Variants in MDGA2 observed in about 807,000 individuals in gnomAD.
MDGA2 encodes MAM domain containing glycosylphosphatidylinositol anchor 2.
A neutral mutation model predicts 117.8 loss-of-function variants in MDGA2; 40 were observed. That is an observed-to-expected ratio of 0.34 (90% CI 0.26 to 0.44). MDGA2 has a LOEUF of 0.44. Ranked by LOEUF, MDGA2 falls within the 20% of genes least tolerant of loss-of-function variation. MDGA2 has a pLI of 1.00. For synonymous variants in MDGA2, 452 were observed against 439.0 expected, an observed-to-expected ratio of 1.03 and a Z score of -0.37; for missense variants, 1,123 against 1,250.6, an observed-to-expected ratio of 0.90 and a Z score of 1.54.
chr14:47,034,240 T>C (rs1290872131), intron 8 of MDGA2, among the ~76,000 whole-genome samples: 10 of 152,210 alleles, frequency 6.6e-5, no homozygotes, highest in Admixed American at 2.0e-4. Context: ...GTACATTTTA[T>C]TGACCATTAA....
At chr14:47,112,575 TC>T (rs2139062340) in intron 5 of MDGA2, among the ~76,000 whole-genome samples, 1 of 152,264 alleles carries the variant, frequency 6.6e-6, no homozygotes, top group East Asian at 1.9e-4. Context: ...AGAACATCGT[TC>T]CTTTCTCTGG....
intron 1 of MDGA2, among the ~76,000 whole-genome samples, chr14:47,615,325 C>G (rs980421789): frequency 9.2e-5 from 14 of 151,988 alleles, no homozygotes; most frequent in African/African-American, 3.4e-4. Context: ...TACTAAAAAT[C>G]AATATAAAAT....
intron 3 of MDGA2, among the ~76,000 whole-genome samples, chr14:47,195,362 A>G (rs1885252312): frequency 6.6e-6 from 1 of 152,052 alleles, no homozygotes; most frequent in Non-Finnish European, 1.5e-5. Flanking sequence ...AGCACTTTTA[A>G]GCCCTTATTT....
intron 1 of MDGA2, among the ~76,000 whole-genome samples, chr14:47,543,081 C>T (rs28464681): frequency 0.1 from 15,687 of 151,986 alleles, 909 homozygotes; most frequent in Middle Eastern, 0.15. Flanking sequence ...CATGGTGGTG[C>T]ACATCTGTAG....
intron 9 of MDGA2, among the ~76,000 whole-genome samples, chr14:46,931,825 C>T (rs996693174): frequency 6.6e-6 from 1 of 151,996 alleles, no homozygotes; most frequent in Non-Finnish European, 1.5e-5. Context: ...ACCCAGCCTA[C>T]TTTTGTTACT....
At chr14:46,919,947 A>G (rs1196943921) in intron 10 of MDGA2, 65 bp downstream of exon 10, 1 of 1,421,262 alleles carries the variant, frequency 7.0e-7, no homozygotes, top group Admixed American at 2.7e-5. Flanking sequence ...CTCTTAGAAA[A>G]ATGATAACAA....
chr14:46,985,438 G>C (rs1190209301), intron 8 of MDGA2, among the ~76,000 whole-genome samples: 1 of 151,942 alleles, frequency 6.6e-6, no homozygotes. Flanking sequence ...AATCATACAT[G>C]TAAGTTTTTA....
At chr14:47,644,402 T>C (rs1045467649) in intron 1 of MDGA2, among the ~76,000 whole-genome samples, 2 of 152,162 alleles carry the variant, frequency 1.3e-5, no homozygotes, top group Non-Finnish European at 2.9e-5. Context: ...GATTACAATC[T>C]TGTCATTTTT....
chr14:47,305,088 G>T (rs963565043), intron 1 of MDGA2: 1 of 151,890 alleles, frequency 6.6e-6, no homozygotes, highest in African/African-American at 2.4e-5. Flanking sequence ...CACAGAGGAG[G>T]TATTTATTTA....
At position 47,371,828 on chromosome 14, in the gene MDGA2, TCCTA is replaced by T. The variant is rs1480488170; in HGVS notation, c.281-70282_281-70279del. On this transcript the variant is annotated intron_variant, in intron 1 of 16. Transcript: ENST00000399232. ...GTTATAACATCATACAAATCAGTAT[TCCTA>T]CCTTTTTGATAAAAATATCTATTAG... is the stretch of plus-strand genomic sequence containing the variant. Among the ~76,000 whole-genome samples the T allele has an allele frequency of 3.9e-5, 6 of 151,944 alleles. No individual in the cohort carries two copies. The South Asian group carries it at 1.2e-3, about 31-fold the overall frequency.
intron 9 of MDGA2, among the ~76,000 whole-genome samples, chr14:46,926,594 CTCTG>C (rs1394330935): frequency 1.3e-5 from 2 of 152,094 alleles, no homozygotes; most frequent in Non-Finnish European, 2.9e-5. Flanking sequence ...ATACGCAGCT[CTCTG>C]TCATTCCTCC....
intron 1 of MDGA2, among the ~76,000 whole-genome samples, chr14:47,578,561 G>A (rs1248452787): frequency 2.0e-5 from 3 of 152,066 alleles, no homozygotes; most frequent in Non-Finnish European, 4.4e-5. Context: ...TGACGATAGT[G>A]AGACATCACC....
chr14:46,958,094 A>T (rs1398088347), intron 8 of MDGA2, among the ~76,000 whole-genome samples: 1 of 152,212 alleles, frequency 6.6e-6, no homozygotes, highest in African/African-American at 2.4e-5. Context: ...GCTAATTTAC[A>T]AAACTGTATG....
intron 2 of MDGA2, among the ~76,000 whole-genome samples, chr14:47,273,512 A>G (rs1417946533): frequency 6.6e-6 from 1 of 152,170 alleles, no homozygotes; most frequent in African/African-American, 2.4e-5. Flanking sequence ...AGAAGAAAGT[A>G]AAAGGAAGCT....
intron 1 of MDGA2, among the ~76,000 whole-genome samples, chr14:47,377,467 G>A (rs1050613840): frequency 4.6e-5 from 7 of 152,252 alleles, no homozygotes; most frequent in African/African-American, 1.7e-4. Flanking sequence ...CCCAACCAAG[G>A]GAAGCAGTGA....
At chr14:46,902,247 A>G (rs1043871306) in intron 10 of MDGA2, among the ~76,000 whole-genome samples, 1 of 152,032 alleles carries the variant, frequency 6.6e-6, no homozygotes, top group Non-Finnish European at 1.5e-5. Context: ...TGTTATTACT[A>G]TTTTTGTTTA....
chr14:47,443,820 C>A (rs1236241494), intron 1 of MDGA2, among the ~76,000 whole-genome samples: 2 of 152,152 alleles, frequency 1.3e-5, no homozygotes. Flanking sequence ...GGAATTTCGG[C>A]ATCCATAAGA....
At chr14:46,943,075 AG>A in intron 9 of MDGA2, among the ~76,000 whole-genome samples, 1 of 152,194 alleles carries the variant, frequency 6.6e-6, no homozygotes, top group South Asian at 2.1e-4. Context: ...CTCTATTAAT[AG>A]ATGTTCACAT....
intron 6 of MDGA2, among the ~76,000 whole-genome samples, chr14:47,079,517 T>C (rs919297345): frequency 2.0e-5 from 3 of 152,076 alleles, no homozygotes; most frequent in African/African-American, 7.2e-5. Flanking sequence ...AAAATACAGA[T>C]AATTTCTGAT....
Sources: gnomAD v4.1 joint callset for allele counts (sites outside exome capture counted in the v4.1 genomes callset) on GRCh38, gnomAD v4.1.1 for gene constraint, MANE v1.5 for transcripts, NCBI Gene and HGNC (gene_info 2026-07-23, HGNC 2026-07-21) for gene names.